The following TAFA1 variants were observed in gnomAD, a reference collection of about 807,000 sequenced individuals.
TAFA1 encodes chemokine-like protein TAFA-1.
A neutral mutation model predicts 18.5 loss-of-function variants in TAFA1; 4 were observed. The ratio of observed to expected loss-of-function variants is 0.22; its 90% confidence interval spans 0.11 to 0.49. The LOEUF (loss-of-function observed/expected upper bound fraction) is 0.49, where lower values mean the gene tolerates loss of function less well. Among genes scored for constraint, TAFA1 ranks in the 20% least tolerant of loss-of-function variants. The pLI, the probability that TAFA1 is intolerant of heterozygous loss-of-function variation, is 0.98. For synonymous variants in TAFA1, 56 were observed against 55.2 expected (o/e 1.01, Z -0.06); for missense variants, 147 against 169.0 (o/e 0.87, Z 0.72).
At chr3:68,448,456 TACG>T (rs1376158712) in intron 3 of TAFA1, among the ~76,000 whole-genome samples, 1 of 152,204 alleles carries the variant, frequency 6.6e-6, no homozygotes, top group Non-Finnish European at 1.5e-5. Context: ...ACTCTATTAA[TACG>T]ACGACTGTAC....
At chr3:68,101,490 A>C (rs371063439) in intron 2 of TAFA1, among the ~76,000 whole-genome samples, 4 of 152,218 alleles carry the variant, frequency 2.6e-5, no homozygotes, top group African/African-American at 9.6e-5. Flanking sequence ...ATACCATGGA[A>C]TACTATGCAG....
At chr3:68,469,132 A>T (rs1234235470) in intron 3 of TAFA1, among the ~76,000 whole-genome samples, 1 of 152,084 alleles carries the variant, frequency 6.6e-6, no homozygotes, top group Non-Finnish European at 1.5e-5. Context: ...GGTTTTTAAA[A>T]TACCATTAAA....
intron 2 of TAFA1, among the ~76,000 whole-genome samples, chr3:68,062,817 G>A (rs1357169523): frequency 6.6e-6 from 1 of 152,214 alleles, no homozygotes; most frequent in Non-Finnish European, 1.5e-5. Flanking sequence ...GTTGAATGAA[G>A]GGAAGAAATG....
intron 2 of TAFA1, among the ~76,000 whole-genome samples, chr3:68,306,615 T>G (rs1443782037): frequency 6.6e-6 from 1 of 152,182 alleles, no homozygotes; most frequent in African/African-American, 2.4e-5. Flanking sequence ...CGCCTCCACC[T>G]CCTGGATGGA....
At chr3:68,152,675 A>G (rs938873751) in intron 2 of TAFA1, among the ~76,000 whole-genome samples, 8 of 152,122 alleles carry the variant, frequency 5.3e-5, no homozygotes, top group Admixed American at 2.6e-4. Flanking sequence ...TTTTCTCTTC[A>G]TGTTTTGGTT....
chr3:68,322,182 CTTATA>C (rs1411290850), intron 2 of TAFA1, among the ~76,000 whole-genome samples: 7 of 152,306 alleles, frequency 4.6e-5, no homozygotes, highest in African/African-American at 1.2e-4. Flanking sequence ...TTTCTCTGAT[CTTATA>C]TTATAGATAT....
intron 2 of TAFA1, among the ~76,000 whole-genome samples, chr3:68,130,763 C>T (rs73834837): frequency 0.04 from 6,067 of 152,242 alleles, 171 homozygotes; most frequent in East Asian, 0.1. Flanking sequence ...CCTCTGGATC[C>T]ATCTGCCTGA....
chr3:68,061,398 C>T (rs908486173), intron 2 of TAFA1, among the ~76,000 whole-genome samples: 2 of 152,128 alleles, frequency 1.3e-5, no homozygotes, highest in African/African-American at 2.4e-5. Context: ...TGAGAGAAGT[C>T]CTGAGAAAGG....
chr3:68,511,102 T>A (rs746967173), intron 3 of TAFA1, among the ~76,000 whole-genome samples: 4 of 152,222 alleles, frequency 2.6e-5, no homozygotes, highest in Non-Finnish European at 5.9e-5. Context: ...GCTAGCTATT[T>A]TCTTGTCCCT....
intron 2 of TAFA1, among the ~76,000 whole-genome samples, chr3:68,046,465 T>A (rs2064386207): frequency 6.6e-6 from 1 of 152,218 alleles, no homozygotes; most frequent in Non-Finnish European, 1.5e-5. Flanking sequence ...AAGTTTGCAA[T>A]GATACATTTT....
At chr3:68,103,983 C>T (rs923084725) in intron 2 of TAFA1, among the ~76,000 whole-genome samples, 1 of 152,134 alleles carries the variant, frequency 6.6e-6, no homozygotes, top group Non-Finnish European at 1.5e-5. Context: ...AAGTTTCCCA[C>T]TTTATTTGCA....
At chr3:68,384,590 T>C (rs770618907) in intron 2 of TAFA1, among the ~76,000 whole-genome samples, 3 of 152,144 alleles carry the variant, frequency 2.0e-5, no homozygotes, top group African/African-American at 7.2e-5. Flanking sequence ...TACAATTATG[T>C]GATTGATTTT....
chr3:68,462,200 T>C (rs545901209), intron 3 of TAFA1, among the ~76,000 whole-genome samples: 1 of 152,030 alleles, frequency 6.6e-6, no homozygotes, highest in African/African-American at 2.4e-5. Flanking sequence ...TAAAAAGAAA[T>C]AAAATTTGGC....
At position 68,209,268 on chromosome 3, in the gene TAFA1, G is replaced by A. The variant is rs148019148; in HGVS notation, c.118+202524G>A. Among the ~76,000 whole-genome samples the A allele has an allele frequency of 3.5e-4, 53 of 152,106 alleles. No homozygotes were observed. The East Asian group carries it at 0.01, about 30-fold the overall frequency. ...AAACATGCCAGCCTCCTGATACACA[G>A]AAACAGTGCAGTGACAAATTTGTGT... On this transcript the variant is annotated intron_variant, in intron 2 of 4. Transcript: ENST00000478136.
chr3:68,121,449 T>C (rs1393959181), intron 2 of TAFA1, among the ~76,000 whole-genome samples: 1 of 152,178 alleles, frequency 6.6e-6, no homozygotes. Flanking sequence ...CTTTCACATA[T>C]GCAAGTTTAT....
intron 2 of TAFA1, among the ~76,000 whole-genome samples, chr3:68,171,564 A>G (rs991974121): frequency 2.0e-5 from 3 of 152,198 alleles, no homozygotes; most frequent in Non-Finnish European, 2.9e-5. Flanking sequence ...AAAGAAACGT[A>G]TGGCCCATAC....
chr3:68,148,243 C>G (rs532333787), intron 2 of TAFA1, among the ~76,000 whole-genome samples: 1 of 152,312 alleles, frequency 6.6e-6, no homozygotes, highest in African/African-American at 2.4e-5. Flanking sequence ...ATTTGTCCTA[C>G]CTCTGGTAAA....
At chr3:68,422,144 C>T (rs768151291) in intron 3 of TAFA1, among the ~76,000 whole-genome samples, 3 of 152,110 alleles carry the variant, frequency 2.0e-5, no homozygotes, top group Non-Finnish European at 4.4e-5. Flanking sequence ...AATGCTGTAG[C>T]AAAGTTTTAT....
chr3:68,301,871 A>G (rs2106645727), intron 2 of TAFA1, among the ~76,000 whole-genome samples: 1 of 152,342 alleles, frequency 6.6e-6, no homozygotes, highest in East Asian at 1.9e-4. Context: ...GATTGAATGT[A>G]CATATTTTGG....
Sources: allele counts gnomAD v4.1 joint callset (sites outside exome capture counted in the v4.1 genomes callset), GRCh38; gene constraint gnomAD v4.1.1; transcripts MANE v1.5; gene names NCBI Gene and HGNC (gene_info 2026-07-23, HGNC 2026-07-21).